SCFD2: variants seen among roughly 807,000 people sequenced by gnomAD.
SCFD2 encodes the protein sec1 family domain-containing protein 2.
A neutral mutation model predicts 58.9 loss-of-function variants in SCFD2; 54 were observed. The ratio of observed to expected loss-of-function variants is 0.92; its 90% CI spans 0.74 to 1.15. The LOEUF (loss-of-function observed/expected upper bound fraction) is 1.15. SCFD2 is among the 50% of genes most tolerant of loss of function. The pLI, the probability that SCFD2 is intolerant of heterozygous loss-of-function variation, is 0.00. For synonymous variants in SCFD2, 321 were observed against 335.9 expected (o/e 0.96, Z 0.49); for missense variants, 805 against 836.6 (o/e 0.96, Z 0.47).
chr4:53,213,465 G>C (rs1046797635), intron 4 of SCFD2, among the ~76,000 whole-genome samples: 2 of 152,060 alleles, frequency 1.3e-5, no homozygotes, highest in East Asian at 1.9e-4. Context: ...CTATGATCTC[G>C]AAAGTCTACC....
intron 5 of SCFD2, among the ~76,000 whole-genome samples, chr4:53,097,685 T>C (rs1032232234): frequency 6.6e-6 from 1 of 152,186 alleles, no homozygotes; most frequent in African/African-American, 2.4e-5. Context: ...ACTTCCTCTA[T>C]TCCTAATTGA....
intron 4 of SCFD2, among the ~76,000 whole-genome samples, chr4:53,267,906 A>C (rs1731039577): frequency 6.6e-6 from 1 of 152,254 alleles, no homozygotes; most frequent in Non-Finnish European, 1.5e-5. Context: ...TCTTCAGAAA[A>C]CTTTAGTAAG....
chr4:53,091,430 TTAA>T (rs1229854691), intron 5 of SCFD2, among the ~76,000 whole-genome samples: 6 of 151,838 alleles, frequency 4.0e-5, no homozygotes, highest in Non-Finnish European at 1.5e-5. Flanking sequence ...AAAGTAATTA[TTAA>T]TGAGATTCAG....
rs566667024 is a variant in SCFD2, at chr4:53,269,258, G to A, written c.1311+4568C>T. The stretch of plus-strand genomic sequence containing the variant: ...GAGGATCACTTGAGCCCGGGATGTC[G>A]AGGCTACACTAAGTGGTGATCATGC... On this transcript the variant is annotated intron_variant, in intron 4 of 8. Coordinates refer to ENST00000401642, the MANE Select transcript of SCFD2 (RefSeq NM_152540.4). Among the ~76,000 whole-genome samples, 10 of 152,232 alleles carry A rather than the reference G, an allele frequency of 6.6e-5. No individual in the cohort carries two copies. In the East Asian group the frequency reaches 9.7e-4, roughly 15 times the overall value.
At chr4:53,208,140 T>C (rs1728494705) in intron 4 of SCFD2, among the ~76,000 whole-genome samples, 1 of 151,746 alleles carries the variant, frequency 6.6e-6, no homozygotes, top group Admixed American at 6.6e-5. Context: ...CTTTTCTTTT[T>C]TTTTCTTTTT....
At chr4:52,875,226 C>T (rs1166722832) in intron 8 of SCFD2, among the ~76,000 whole-genome samples, 5 of 152,088 alleles carry the variant, frequency 3.3e-5, no homozygotes, top group Admixed American at 2.0e-4. Context: ...CCTTTGGGCT[C>T]CTCTGGCTTC....
chr4:52,881,257 G>A (rs1718603324), intron 8 of SCFD2, among the ~76,000 whole-genome samples: 1 of 152,212 alleles, frequency 6.6e-6, no homozygotes, highest in Non-Finnish European at 1.5e-5. Flanking sequence ...GAGGTGCTGT[G>A]AATGGATTCT....
chr4:53,325,832 T>G (rs1733175323), intron 2 of SCFD2, among the ~76,000 whole-genome samples: 1 of 152,202 alleles, frequency 6.6e-6, no homozygotes, highest in African/African-American at 2.4e-5. Flanking sequence ...GCTTCTTGTT[T>G]AAGCCACTTT....
intron 3 of SCFD2, among the ~76,000 whole-genome samples, chr4:53,291,675 A>C (rs1387054911): frequency 9.2e-5 from 14 of 152,184 alleles, no homozygotes; most frequent in Non-Finnish European, 1.5e-5. Context: ...TAGCCAAGAC[A>C]ATCTTAAGCA....
At chr4:52,960,901 T>C (rs1335365037) in intron 5 of SCFD2, among the ~76,000 whole-genome samples, 1 of 152,194 alleles carries the variant, frequency 6.6e-6, no homozygotes, top group Non-Finnish European at 1.5e-5. Context: ...CGCCTAATTT[T>C]AGAGACTAGG....
intron 5 of SCFD2, among the ~76,000 whole-genome samples, chr4:52,937,353 G>C (rs553418277): frequency 6.6e-6 from 1 of 152,260 alleles, no homozygotes; most frequent in African/African-American, 2.4e-5. Flanking sequence ...ACAGACGAAG[G>C]AGCAAGAGAG....
chr4:52,898,412 C>T (rs188761809), intron 7 of SCFD2, among the ~76,000 whole-genome samples: 1 of 152,246 alleles, frequency 6.6e-6, no homozygotes, highest in African/African-American at 2.4e-5. Flanking sequence ...CGTTATGCAC[C>T]CAGTAGTTAT....
chr4:52,974,466 C>G (rs920752251), intron 5 of SCFD2, among the ~76,000 whole-genome samples: 1 of 152,078 alleles, frequency 6.6e-6, no homozygotes, highest in Non-Finnish European at 1.5e-5. Flanking sequence ...TTACAAGGGA[C>G]ATGAAGGACC....
At chr4:52,916,368 A>G (rs986846013) in intron 6 of SCFD2, among the ~76,000 whole-genome samples, 8 of 152,230 alleles carry the variant, frequency 5.3e-5, no homozygotes, top group Non-Finnish European at 1.0e-4. Flanking sequence ...TCAGGAGTTC[A>G]AGACCAGCCT....
At chr4:53,347,130 T>C (rs1734080392) in intron 2 of SCFD2, among the ~76,000 whole-genome samples, 1 of 152,218 alleles carries the variant, frequency 6.6e-6, no homozygotes, top group South Asian at 2.1e-4. Context: ...ATTCTCCAGA[T>C]ATATTTAATG....
At chr4:52,928,024 A>G (rs1719901412) in intron 5 of SCFD2, among the ~76,000 whole-genome samples, 1 of 152,126 alleles carries the variant, frequency 6.6e-6, no homozygotes, top group Admixed American at 6.5e-5. Flanking sequence ...ACCTAATGTG[A>G]GTTTAAGTTC....
chr4:53,097,059 G>A (rs1724672695), intron 5 of SCFD2, among the ~76,000 whole-genome samples: 2 of 152,150 alleles, frequency 1.3e-5, no homozygotes, highest in African/African-American at 2.4e-5. Flanking sequence ...GATCTGTTCT[G>A]TTCCATTGGT....
intron 5 of SCFD2, among the ~76,000 whole-genome samples, chr4:52,930,246 C>T (rs1372460672): frequency 6.6e-6 from 1 of 152,100 alleles, no homozygotes; most frequent in Non-Finnish European, 1.5e-5. Flanking sequence ...CTGTCAAAAA[C>T]AAGCAATAGG....
Position 52,928,425 on chromosome 4 carries a change from C to A in SCFD2, c.1562-7555G>T, listed in dbSNP as rs138914242. Among the ~76,000 whole-genome samples the A allele has an allele frequency of 4.2e-3, 638 of 152,248 alleles. 2 individuals are homozygous for A. Among genetic ancestry groups the A allele is most frequent in the African/African-American group, 0.015 (613 of 41,530 alleles). On this transcript the variant is annotated intron_variant, in intron 5 of 8. Coordinates refer to ENST00000401642, the MANE Select transcript of SCFD2 (RefSeq NM_152540.4). ...AGTTCTTGAGCTATGTATCACACAG[C>A]AGGACACCTCAGCAGGTGTGGAGGT...
Sources: gnomAD v4.1 joint callset for allele counts (sites outside exome capture counted in the v4.1 genomes callset) on GRCh38, gnomAD v4.1.1 for gene constraint, MANE v1.5 for transcripts, NCBI Gene and HGNC (gene_info 2026-07-23, HGNC 2026-07-21) for gene names.